The following ATOSA variants were observed in gnomAD, a reference collection of about 807,000 sequenced individuals.
ATOSA encodes the protein atos homolog A.
At chr15:52,704,516 T>G in the ATOSA span, among the ~76,000 whole-genome samples, 3 of 152,042 alleles carry the variant, frequency 2.0e-5, no homozygotes, top group Non-Finnish European at 4.4e-5. Context: ...GGGATCTAAT[T>G]AAACTAACGA....
At chr15:52,621,502 T>C in the ATOSA span, among the ~76,000 whole-genome samples, 1 of 152,206 alleles carries the variant, frequency 6.6e-6, no homozygotes, top group African/African-American at 2.4e-5. Flanking sequence ...TTTGGCTGTG[T>C]CCCCACCCAA....
At chr15:52,595,578 A>T in the ATOSA span, among the ~76,000 whole-genome samples, 1 of 152,028 alleles carries the variant, frequency 6.6e-6, no homozygotes, top group African/African-American at 2.4e-5. Context: ...AAAAAAGCCA[A>T]AACTATCCCT....
chr15:52,626,853 T>C, the ATOSA span, among the ~76,000 whole-genome samples: 1 of 152,204 alleles, frequency 6.6e-6, no homozygotes, highest in Non-Finnish European at 1.5e-5. Flanking sequence ...TAGATATTTG[T>C]CAGTTTACTG....
chr15:52,592,740 C>A, the ATOSA span, among the ~76,000 whole-genome samples: 1 of 152,218 alleles, frequency 6.6e-6, no homozygotes, highest in Admixed American at 6.5e-5. Context: ...CATTCAAAGC[C>A]TTCCTGGGTT....
At chr15:52,699,864 A>T in the ATOSA span, among the ~76,000 whole-genome samples, 1 of 152,122 alleles carries the variant, frequency 6.6e-6, no homozygotes, top group East Asian at 1.9e-4. Flanking sequence ...ATCAGCAGCA[A>T]TTCAGTCTTC....
chr15:52,674,883 G>T, the ATOSA span, among the ~76,000 whole-genome samples: 1 of 150,462 alleles, frequency 6.6e-6, no homozygotes, highest in Non-Finnish European at 1.5e-5. Context: ...CAATATATAA[G>T]CATTTGTAAT....
At chr15:52,586,999 A>C in the ATOSA span, 1 of 1,464,058 alleles carries the variant, frequency 6.8e-7, no homozygotes, top group Non-Finnish European at 9.1e-7. Context: ...CCAAATGGTC[A>C]TTCCTGGGGC....
the ATOSA span, among the ~76,000 whole-genome samples, chr15:52,659,643 G>A: frequency 6.6e-6 from 1 of 152,076 alleles, no homozygotes; most frequent in African/African-American, 2.4e-5. Context: ...TGGGGCAAAT[G>A]AGCTATTTTA....
chr15:52,690,145 T>C, the ATOSA span, among the ~76,000 whole-genome samples: 1 of 152,366 alleles, frequency 6.6e-6, no homozygotes, highest in African/African-American at 2.4e-5. Context: ...CACTTTCAAA[T>C]CATGAGTGAA....
the ATOSA span, chr15:52,678,225 G>A: frequency 1.2e-5 from 8 of 640,096 alleles, no homozygotes; most frequent in Non-Finnish European, 1.6e-5. Flanking sequence ...CAACTGCGGT[G>A]ACAGCACCCT....
the ATOSA span, among the ~76,000 whole-genome samples, chr15:52,645,492 G>T: frequency 6.6e-6 from 1 of 151,866 alleles, no homozygotes; most frequent in East Asian, 1.9e-4. Flanking sequence ...TAAAATAGGA[G>T]TAGATCAAGG....
At chr15:52,679,793 TCCCC>T in the ATOSA span, among the ~76,000 whole-genome samples, 1 of 12,394 alleles carries the variant, frequency 8.1e-5, no homozygotes, top group Admixed American at 5.7e-4. Context: ...CTCCTCCTCC[TCCCC>T]CCTCCCCCTC....
chr15:52,680,985 G>A, the ATOSA span, among the ~76,000 whole-genome samples: 2 of 152,326 alleles, frequency 1.3e-5, no homozygotes, highest in East Asian at 3.9e-4. Context: ...CTTACTGGGT[G>A]AACAGGCAGC....
chr15:52,595,205 C>T, the ATOSA span, among the ~76,000 whole-genome samples: 1 of 152,124 alleles, frequency 6.6e-6, no homozygotes, highest in African/African-American at 2.4e-5. Flanking sequence ...TAGGCAACTT[C>T]TATTACAATG....
chr15:52,656,952 T>C, the ATOSA span: 1 of 152,128 alleles, frequency 6.6e-6, no homozygotes, highest in Non-Finnish European at 1.5e-5. Context: ...TTTGATTCAA[T>C]CTGAAATTGA....
chr15:52,670,613 C>A, the ATOSA span, among the ~76,000 whole-genome samples: 9 of 152,090 alleles, frequency 5.9e-5, no homozygotes, highest in African/African-American at 1.7e-4. Context: ...ATTTATTAAT[C>A]CAAGTGAATC....
chr15:52,582,084 A>C, the ATOSA span: 5 of 1,271,550 alleles, frequency 3.9e-6, no homozygotes, highest in Non-Finnish European at 4.2e-6. Context: ...AATTTGGTAC[A>C]CTCCATTCTA....
At chr15:52,608,849 C>G in the ATOSA span, 10 of 1,608,920 alleles carry the variant, frequency 6.2e-6, no homozygotes, top group Non-Finnish European at 8.5e-6. Context: ...ATTTCCAACA[C>G]AGTAACTTTT....
the ATOSA span, chr15:52,610,490 G>T: frequency 1.3e-5 from 16 of 1,211,950 alleles, no homozygotes; most frequent in East Asian, 4.1e-4. Flanking sequence ...TTTTGTTTGC[G>T]TTAATTACCA....
Sources: gnomAD v4.1 joint callset for allele counts (sites outside exome capture counted in the v4.1 genomes callset) on GRCh38, gnomAD v4.1.1 for gene constraint, MANE v1.5 for transcripts, NCBI Gene and HGNC (gene_info 2026-07-23, HGNC 2026-07-21) for gene names.